The following SPPL3 variants were observed in gnomAD, a reference collection of about 807,000 sequenced individuals.
SPPL3 encodes signal peptide peptidase like 3, also known as signal peptide peptidase-like 3.
A neutral mutation model predicts 42.4 loss-of-function variants in SPPL3; 5 were observed. That is an observed-to-expected ratio of 0.12 (90% CI 0.06 to 0.25). The LOEUF (loss-of-function observed/expected upper bound fraction) is 0.25. Ranked by LOEUF, SPPL3 falls within the 10% of genes least tolerant of loss-of-function variation. The pLI is 1.00. For synonymous variants in SPPL3, 195 were observed against 181.8 expected, an observed-to-expected ratio of 1.07 and a Z score of -0.58; for missense variants, 235 against 489.0, an observed-to-expected ratio of 0.48 and a Z score of 4.90.
At chr12:120,840,415 A>G (rs1351832333) in intron 1 of SPPL3, among the ~76,000 whole-genome samples, 1 of 152,136 alleles carries the variant, frequency 6.6e-6, no homozygotes, top group East Asian at 1.9e-4. Context: ...CATTTATATG[A>G]AATGTCCAGA....
intron 1 of SPPL3, among the ~76,000 whole-genome samples, chr12:120,857,966 C>A (rs931973451): frequency 6.6e-6 from 1 of 152,012 alleles, no homozygotes; most frequent in African/African-American, 2.4e-5. Flanking sequence ...TATCCTGGAA[C>A]TTAATATATA....
At chr12:120,863,420 C>T (rs1452666752) in intron 1 of SPPL3, among the ~76,000 whole-genome samples, 2 of 152,006 alleles carry the variant, frequency 1.3e-5, no homozygotes, top group African/African-American at 2.4e-5. Flanking sequence ...GGAATGGTAC[C>T]GTTTTACATT....
chr12:120,776,899 T>TG, intron 6 of SPPL3, among the ~76,000 whole-genome samples: 1 of 152,332 alleles, frequency 6.6e-6, no homozygotes, highest in South Asian at 2.1e-4. Flanking sequence ...TGTCATAATA[T>TG]GGGCTTTGCA....
chr12:120,817,966 G>A (rs1250125530), intron 1 of SPPL3, among the ~76,000 whole-genome samples: 1 of 152,150 alleles, frequency 6.6e-6, no homozygotes, highest in Admixed American at 6.5e-5. Flanking sequence ...GGAGCAGACA[G>A]GGAAGAAAAG....
intron 2 of SPPL3, among the ~76,000 whole-genome samples, chr12:120,809,506 C>T (rs1283853257): frequency 5.9e-5 from 9 of 152,188 alleles, no homozygotes; most frequent in South Asian, 2.1e-4. Flanking sequence ...AAAATCTTTA[C>T]GCCTGGGTAT....
chr12:120,882,065 T>C (rs1873303044), intron 1 of SPPL3, among the ~76,000 whole-genome samples: 1 of 152,036 alleles, frequency 6.6e-6, no homozygotes, highest in Non-Finnish European at 1.5e-5. Flanking sequence ...CCATTCTGAG[T>C]AGTATGATGA....
chr12:120,812,106 GAA>G (rs11406013), intron 1 of SPPL3, among the ~76,000 whole-genome samples: 3 of 140,692 alleles, frequency 2.1e-5, no homozygotes, highest in Non-Finnish European at 1.5e-5. Context: ...CCATTTAGTG[GAA>G]AAAAAAAAAA....
At chr12:120,796,963 A>G (rs940655209) in intron 2 of SPPL3, among the ~76,000 whole-genome samples, 10 of 152,150 alleles carry the variant, frequency 6.6e-5, no homozygotes, top group Non-Finnish European at 1.2e-4. Flanking sequence ...CGAGGTCAGG[A>G]GTTCGAGACC....
At chr12:120,778,251 G>T (rs944576761) in intron 6 of SPPL3, among the ~76,000 whole-genome samples, 1 of 150,764 alleles carries the variant, frequency 6.6e-6, no homozygotes, top group African/African-American at 2.4e-5. Flanking sequence ...TGAGTAGCTG[G>T]GATTACAGGC....
chr12:120,768,513 A>T (rs1868989396), intron 7 of SPPL3, 25 bp from the exon 8 acceptor site: 1 of 1,597,244 alleles, frequency 6.3e-7, no homozygotes. Context: ...AGATGCCTTT[A>T]ACAGAGGGAG....
chr12:120,775,820 T>C (rs1305579292), intron 6 of SPPL3, among the ~76,000 whole-genome samples: 2 of 152,206 alleles, frequency 1.3e-5, no homozygotes, highest in African/African-American at 4.8e-5. Context: ...TACTTCTTAG[T>C]GTAGCCCTGA....
intron 3 of SPPL3, among the ~76,000 whole-genome samples, chr12:120,786,925 C>T (rs1869741688): frequency 6.6e-6 from 1 of 152,108 alleles, no homozygotes; most frequent in Non-Finnish European, 1.5e-5. Context: ...AGTGCAGTTG[C>T]ATTATCTTTA....
At chr12:120,794,457 G>A (rs527404732) in intron 2 of SPPL3, among the ~76,000 whole-genome samples, 2 of 152,248 alleles carry the variant, frequency 1.3e-5, no homozygotes, top group East Asian at 3.9e-4. Context: ...GAGTGCAGCA[G>A]TGTAGTCTTG....
intron 1 of SPPL3, among the ~76,000 whole-genome samples, chr12:120,844,036 A>G (rs1376906255): frequency 6.6e-6 from 1 of 151,972 alleles, no homozygotes; most frequent in Non-Finnish European, 1.5e-5. Context: ...ATAAACCTAC[A>G]CCTGTAGCCC....
At chr12:120,874,440 G>A (rs1174291590) in intron 1 of SPPL3, among the ~76,000 whole-genome samples, 15 of 126,600 alleles carry the variant, frequency 1.2e-4, no homozygotes, top group Admixed American at 8.0e-4. Context: ...ATGACAGAGC[G>A]AGACCCTGTC....
At chr12:120,900,966 A>G (rs934335190) in intron 1 of SPPL3, among the ~76,000 whole-genome samples, 24 of 151,414 alleles carry the variant, frequency 1.6e-4, no homozygotes, top group Non-Finnish European at 2.6e-4. Context: ...GATTGTTTGC[A>G]CAAGCCAAGG....
chr12:120,896,026 A>C (rs1320326311), intron 1 of SPPL3, among the ~76,000 whole-genome samples: 2 of 152,146 alleles, frequency 1.3e-5, no homozygotes, highest in Admixed American at 6.5e-5. Flanking sequence ...ATACATCTCC[A>C]CTTCAGAGCA....
At chr12:120,886,937 T>G (rs1873480271) in intron 1 of SPPL3, among the ~76,000 whole-genome samples, 1 of 152,146 alleles carries the variant, frequency 6.6e-6, no homozygotes, top group African/African-American at 2.4e-5. Flanking sequence ...TTAAAATGTC[T>G]CATTAATTTG....
At position 120,876,616 on chromosome 12, in the gene SPPL3, C is replaced by CAAAAAAAAAA. The variant is rs71076676; in HGVS notation, c.23+27219_23+27228dup. On this transcript the variant is annotated intron_variant, in intron 1 of 10. Coordinates refer to ENST00000353487, the MANE Select transcript of SPPL3 (RefSeq NM_139015.5). ...TGTGTGACAGAGCGAGACTCTGTCT[C>CAAAAAAAAAA]AAAAAAAAAAAAAAAAAAAAGAAGA... Among the ~76,000 whole-genome samples, 257 of 50,950 alleles carry CAAAAAAAAAA rather than the reference C, an allele frequency of 5.0e-3. 8 individuals are homozygous for CAAAAAAAAAA. The highest frequency in any genetic ancestry group is 0.017 in the East Asian group (25 of 1,450). 33.4% of individuals were successfully genotyped at this position (50,950 alleles called of 152,430 possible). A position where few individuals can be genotyped will look rare whatever the true frequency, so the allele number is the denominator to read the frequency against.
Sources: allele counts gnomAD v4.1 joint callset (sites outside exome capture counted in the v4.1 genomes callset), GRCh38; gene constraint gnomAD v4.1.1; transcripts MANE v1.5; gene names NCBI Gene and HGNC (gene_info 2026-07-23, HGNC 2026-07-21).